The following HIVEP3 variants were observed in gnomAD, a reference collection of about 807,000 sequenced individuals.
HIVEP3 encodes the protein transcription factor HIVEP3.
HIVEP3 carries 49 observed loss-of-function variants against 152.8 expected under a neutral mutation model. The observed-to-expected ratio is 0.32, with a 90% CI of 0.26 to 0.41. The LOEUF is 0.41. HIVEP3 is among the 10% of genes least tolerant of loss of function. HIVEP3 has a pLI of 1.00. For missense variants in HIVEP3, 2,790 were observed against 3,103.3 expected (o/e 0.90, Z 2.40); for synonymous variants, 1,269 against 1,289.0 (o/e 0.98, Z 0.33).
chr1:41,665,808 A>G (rs1483844037), intron 2 of HIVEP3, among the ~76,000 whole-genome samples: 2 of 151,920 alleles, frequency 1.3e-5, no homozygotes, highest in African/African-American at 4.8e-5. Flanking sequence ...ATTAGAGCAG[A>G]GGGCAGGTTT....
chr1:41,968,305 C>T (rs1402739334), intron 1 of HIVEP3, among the ~76,000 whole-genome samples: 6 of 151,928 alleles, frequency 3.9e-5, no homozygotes, highest in Admixed American at 6.6e-5. Context: ...TGCAAAAATC[C>T]GCAATAAAAT....
At chr1:41,646,877 G>T (rs1383785075) in intron 2 of HIVEP3, among the ~76,000 whole-genome samples, 3 of 152,214 alleles carry the variant, frequency 2.0e-5, no homozygotes, top group African/African-American at 7.2e-5. Context: ...CTAAAATCCA[G>T]GTGTTAACAG....
chr1:41,879,705 T>C (rs1218898902), intron 1 of HIVEP3, among the ~76,000 whole-genome samples: 3 of 152,176 alleles, frequency 2.0e-5, no homozygotes, highest in African/African-American at 7.2e-5. Flanking sequence ...CCTAGAAAAG[T>C]GCATCCAACT....
At chr1:41,702,155 A>G (rs1216859412) in intron 1 of HIVEP3, among the ~76,000 whole-genome samples, 1 of 152,094 alleles carries the variant, frequency 6.6e-6, no homozygotes, top group Non-Finnish European at 1.5e-5. Context: ...ACCAAGCAGA[A>G]GCTCAACAAA....
intron 5 of HIVEP3, among the ~76,000 whole-genome samples, chr1:41,555,920 C>T (rs1271498622): frequency 6.6e-6 from 1 of 152,198 alleles, no homozygotes; most frequent in South Asian, 2.1e-4. Context: ...GTTCACGCAG[C>T]ATGGTGTCCT....
chr1:41,508,079 T>G lies in HIVEP3; in HGVS notation c.*2372A>C, dbSNP rs1644401972. 1 of 152,258 alleles carries G rather than the reference T, an allele frequency of 6.6e-6. No individual in the cohort carries two copies. The highest frequency in any genetic ancestry group is 2.4e-5 in the African/African-American group (1 of 41,410). The allele number at this position is 152,258 out of a possible 1,614,324, so 9.4% of individuals were successfully genotyped here. A position where few individuals can be genotyped will look rare whatever the true frequency, so the allele number is the denominator to read the frequency against. ...GGAAACCTTGGGTGGGTAGGCTGTTTGAGTACAGGGAGAAAAATGCCCAGG... is the reference window on the plus strand; with the variant it reads ...GGAAACCTTGGGTGGGTAGGCTGTTGGAGTACAGGGAGAAAAATGCCCAGG... On this transcript the variant is annotated 3_prime_UTR_variant, in exon 9 of 9. Coordinates refer to ENST00000372583, the MANE Select transcript of HIVEP3 (RefSeq NM_024503.5).
At chr1:41,619,664 G>A (rs2149140117) in intron 3 of HIVEP3, among the ~76,000 whole-genome samples, 1 of 152,298 alleles carries the variant, frequency 6.6e-6, no homozygotes, top group African/African-American at 2.4e-5. Flanking sequence ...TAGGAGTGGG[G>A]GAAGGGATGA....
intron 5 of HIVEP3, among the ~76,000 whole-genome samples, chr1:41,529,249 CACTT>C (rs1284389714): frequency 3.8e-5 from 5 of 132,844 alleles, no homozygotes; most frequent in Admixed American, 7.0e-5. Flanking sequence ...CCCCCACTCA[CACTT>C]ACCTTCACAC....
At position 41,510,758 on chromosome 1, in the gene HIVEP3, G is replaced by A. The variant is rs545866339; in HGVS notation, c.6914C>T (p.Thr2305Met). The change falls in exon 9 of 9, where the codon ACG becomes ATG. Residue 2305 changes from threonine to methionine, a missense_variant. By Grantham distance (81) the Thr-to-Met change is moderately conservative. This residue lies in a region of HIVEP3 where 816 missense variants were observed against 806.5 expected (regional missense o/e 1.01). Transcript: ENST00000372583. ...GTCGGGTGGGGTGCAGGGGCTGTGC[G>A]TGGGTGTGGGCTCTGCAGGTGCCCC... ...GTGAPAEPTP[T>M]HSPCTPPDTL... 114 of 1,591,972 alleles carry A rather than the reference G, an allele frequency of 7.2e-5. No individual in the cohort carries two copies. The highest frequency in any genetic ancestry group is 2.1e-4 in the Admixed American group (12 of 57,930).
intron 2 of HIVEP3, among the ~76,000 whole-genome samples, chr1:41,693,122 C>A (rs1256147787): frequency 2.0e-5 from 3 of 152,168 alleles, no homozygotes; most frequent in East Asian, 1.9e-4. Flanking sequence ...GAAACAAGGT[C>A]TCTCTGATCT....
chr1:41,952,829 T>C (rs887250931), intron 1 of HIVEP3, among the ~76,000 whole-genome samples: 2 of 152,330 alleles, frequency 1.3e-5, no homozygotes, highest in East Asian at 3.9e-4. Flanking sequence ...ATATAAAATA[T>C]CATTTATTTT....
At chr1:41,520,090 A>C (rs746922677) in intron 6 of HIVEP3, among the ~76,000 whole-genome samples, 15 of 152,192 alleles carry the variant, frequency 9.9e-5, no homozygotes, top group Non-Finnish European at 1.5e-4. Flanking sequence ...GAACAGGAAA[A>C]CAATTAGATG....
In HIVEP3 at chr1:41,549,058, T is replaced by C. The variant is rs1643868525; in HGVS notation, c.5208-24148A>G. Among the ~76,000 whole-genome samples the C allele has an allele frequency of 2.0e-5, 3 of 149,868 alleles. No individual in the cohort carries two copies. The Admixed American group carries it at 2.0e-4, about 10-fold the overall frequency. Reference sequence around the variant, plus strand: ...CCCCCCAACAGGCCCCGGGGTGTGATGTTCCCCATCCTGTGTCCAATGTGT... The same window carrying C: ...CCCCCCAACAGGCCCCGGGGTGTGACGTTCCCCATCCTGTGTCCAATGTGT... On this transcript the variant is annotated intron_variant, in intron 5 of 8. Transcript: ENST00000372583.
intron 3 of HIVEP3, among the ~76,000 whole-genome samples, chr1:41,624,276 G>A (rs998467139): frequency 6.6e-6 from 1 of 152,166 alleles, no homozygotes; most frequent in African/African-American, 2.4e-5. Flanking sequence ...TCCAAATTGT[G>A]TTCCATGAAA....
chr1:41,652,409 C>T (rs1645564589), intron 2 of HIVEP3, among the ~76,000 whole-genome samples: 1 of 152,232 alleles, frequency 6.6e-6, no homozygotes, highest in African/African-American at 2.4e-5. Context: ...ATGGAATTGG[C>T]CCCTAACCCT....
At chr1:41,599,301 T>C (rs1285693742) in intron 3 of HIVEP3, among the ~76,000 whole-genome samples, 3 of 152,144 alleles carry the variant, frequency 2.0e-5, no homozygotes, top group Non-Finnish European at 4.4e-5. Context: ...GATTAAACAA[T>C]AAAGCTTGTA....
chr1:41,638,226 A>C (rs1027228867), intron 2 of HIVEP3, among the ~76,000 whole-genome samples: 1 of 149,720 alleles, frequency 6.7e-6, no homozygotes, highest in Non-Finnish European at 1.5e-5. Context: ...GAAAGAAAGA[A>C]AGAGAGAGAC....
chr1:41,651,290 A>G (rs1041687805), intron 2 of HIVEP3, among the ~76,000 whole-genome samples: 5 of 152,026 alleles, frequency 3.3e-5, no homozygotes, highest in Non-Finnish European at 5.9e-5. Flanking sequence ...ACACGCTTGT[A>G]ATCCCAGCTA....
intron 1 of HIVEP3, among the ~76,000 whole-genome samples, chr1:41,961,015 C>A (rs915734278): frequency 6.6e-6 from 1 of 152,186 alleles, no homozygotes; most frequent in African/African-American, 2.4e-5. Flanking sequence ...TTTCAACCAA[C>A]AGAGATTAGT....
Sources: gnomAD v4.1 joint callset for allele counts (sites outside exome capture counted in the v4.1 genomes callset) on GRCh38, gnomAD v4.1.1 for gene constraint, gnomAD v4.1.1 regional missense constraint, MANE v1.5 for transcripts, NCBI Gene and HGNC (gene_info 2026-07-23, HGNC 2026-07-21) for gene names.